FLII: variants seen among roughly 807,000 people sequenced by gnomAD.
FLII encodes the protein protein flightless-1 homolog.
Under a neutral mutation model 156.2 loss-of-function variants are expected in FLII, and 101 were observed. The observed-to-expected ratio is 0.65, with a 90% CI of 0.55 to 0.76. The LOEUF (loss-of-function observed/expected upper bound fraction) is 0.76. Ranked by LOEUF, FLII falls within the 30% of genes least tolerant of loss-of-function variation. The pLI is 0.00. For synonymous variants in FLII, 767 were observed against 685.8 expected, an observed-to-expected ratio of 1.12 and a Z score of -1.85; for missense variants, 1,675 against 1,682.8, an observed-to-expected ratio of 1.00 and a Z score of 0.08.
Position 18,258,396 on chromosome 17 carries a change from T to C in FLII, c.63+232A>G. 2.3e-6 allele frequency: 3 copies of C among 1,290,696 alleles called. No homozygotes were observed. The highest frequency in any genetic ancestry group is 3.2e-6 in the Non-Finnish European group (3 of 952,142). The allele number at this position is 1,290,696 out of a possible 1,614,324, so 80.0% of individuals were successfully genotyped here. ...CTCCCGGCCGGGCCCCCGGCGGGAC[T>C]CCGAGCCCAAGCGTCCGTCCCCGGC... is the stretch of plus-strand genomic sequence containing the variant. On this transcript the variant is annotated intron_variant, in intron 1 of 29. Transcript: ENST00000327031. This position sits in a 1 kb window ranked among gnomAD's most constrained non-coding sequence, Gnocchi z 4.2.
Position 18,256,283 on chromosome 17 carries a change from T to C in FLII, c.246+243A>G, listed in dbSNP as rs2048414874. 2.0e-5 allele frequency among the ~76,000 whole-genome samples: 3 copies of C among 152,404 alleles called. No individual in the cohort carries two copies. The East Asian group carries it at 5.8e-4, about 29-fold the overall frequency. On this transcript the variant is annotated intron_variant, in intron 3 of 29. Transcript: ENST00000327031. ...TACTGTAGTTATTGTCCATAACGGC[T>C]GGTAAGATTTTGGATTTCTTTACCT...
At chr17:18,249,054 G>A (rs746030738) in intron 16 of FLII, 73 bp downstream of exon 16, 63 of 1,446,312 alleles carry the variant, frequency 4.4e-5, no homozygotes, top group Non-Finnish European at 5.9e-5. Context: ...CTTCTAAGAG[G>A]CCCACACCTG....
At chr17:18,249,692 A>G (rs994457072) in intron 14 of FLII, among the ~76,000 whole-genome samples, 4 of 152,066 alleles carry the variant, frequency 2.6e-5, no homozygotes, top group Non-Finnish European at 5.9e-5. Context: ...CGGGAGGCTG[A>G]GGCAGGAGAA....
At chr17:18,247,121 C>CGGGGG in intron 21 of FLII, 48 bp downstream of exon 21, 6 of 1,398,032 alleles carry the variant, frequency 4.3e-6, no homozygotes, top group Non-Finnish European at 5.7e-6. Context: ...CGCCCTCGGC[C>CGGGGG]TGCCCCCCAC....
At chr17:18,251,094 A>G (rs944698138) in intron 13 of FLII, 77 bp from the exon 14 acceptor site, 30 of 1,501,700 alleles carry the variant, frequency 2.0e-5, no homozygotes, top group African/African-American at 2.8e-5. Context: ...TCTGAACAGC[A>G]CAGGCTTCCC....
Position 18,255,167 on chromosome 17 carries a change from G to A in FLII, c.327+16C>T, listed in dbSNP as rs771433351. ...TCCGGCTAGCACAGGGGCCAGGTGAGTGGGTAGCCACTGACCAGGACTGAG... is the reference window on the plus strand; with the variant it reads ...TCCGGCTAGCACAGGGGCCAGGTGAATGGGTAGCCACTGACCAGGACTGAG... On this transcript the variant is annotated intron_variant, in intron 4 of 29. Transcript: ENST00000327031. The A allele has an allele frequency of 3.7e-6, 6 of 1,600,556 alleles. No individual in the cohort carries two copies. Among genetic ancestry groups the A allele is most frequent in the Non-Finnish European group, 5.1e-6 (6 of 1,167,674 alleles).
In FLII at chr17:18,255,242, T is replaced by G; in HGVS notation, c.268A>C (p.Ser90Arg). 1 of 1,614,042 alleles carries G rather than the reference T, an allele frequency of 6.2e-7. No individual in the cohort carries two copies. The highest frequency in any genetic ancestry group is 8.5e-7 in the Non-Finnish European group (1 of 1,179,930). The stretch of plus-strand genomic sequence containing the variant: ...TCGGGGACTCCGGAATTCTTCAGAC[T>G]GTTGGCTCGGGCCACGATGGCCTGG... Reference protein sequence around the residue: ...SLRAIVARANSLKNSGVPDDI... With the variant: ...SLRAIVARANRLKNSGVPDDI... The change falls in exon 4 of 30, where the codon AGT (serine) becomes CGT (arginine). Residue 90 changes from serine (S) to arginine (R), a missense_variant. Physicochemically the swap from Ser to Arg is moderately radical, Grantham distance 110 (BLOSUM62 -1). Transcript: ENST00000327031.
In FLII at chr17:18,251,377, A is replaced by T; in HGVS notation, c.1484T>A (p.Val495Glu). ...GATGGTCAGTCCGGGCAGCTGGCCC[A>T]CGTCCTCCGTGAAGAACTCGGAGTA... The part of the protein sequence containing the change: ...LDYSEFFTED[V>E]GQLPGLTIWQ... The change falls in exon 13 of 30, where the codon GTG (valine) becomes GAG (glutamate). Residue 495 changes from valine (V) to glutamate (E), a missense_variant. Physicochemically the swap from Val to Glu is moderately radical, Grantham distance 121. Around this residue, in one of 2 missense-constraint regions of FLII, gnomAD observed 1,332 missense variants for 1,269.3 expected, o/e 1.05. Coordinates refer to ENST00000327031, the MANE Select transcript of FLII (RefSeq NM_002018.4). The T allele has an allele frequency of 6.2e-7, 1 of 1,613,692 alleles. No homozygotes were observed. The highest frequency in any genetic ancestry group is 1.1e-5 in the South Asian group (1 of 91,086).
In FLII at chr17:18,251,488, A is replaced by G; in HGVS notation, c.1384-11T>C. The G allele has an allele frequency of 6.3e-7, 1 of 1,596,582 alleles. No individual in the cohort carries two copies. Among genetic ancestry groups the G allele is most frequent in the South Asian group, 1.1e-5 (1 of 89,426 alleles). Reference sequence around the variant, plus strand: ...GGCATCTGCGCTCTCCTGGGGGCAGAGTCACAGAGCACGGCTTGACTCTGT... The same window carrying G: ...GGCATCTGCGCTCTCCTGGGGGCAGGGTCACAGAGCACGGCTTGACTCTGT... On this transcript the variant is annotated splice_polypyrimidine_tract_variant and intron_variant, in intron 12 of 29. Coordinates refer to ENST00000327031, the MANE Select transcript of FLII (RefSeq NM_002018.4).
rs1412966853 is a variant in FLII, at chr17:18,258,408, CG to C, written c.63+219del. ...CCCCCGGCGGGACTCCGAGCCCAAG[CG>C]TCCGTCCCCGGCCTGCCCAGCCTCG... On this transcript the variant is annotated intron_variant, in intron 1 of 29. Transcript: ENST00000327031. The surrounding 1 kb of genome is among the most constrained non-coding windows in gnomAD (Gnocchi z 4.2). The C allele has an allele frequency of 2.2e-6, 3 of 1,364,872 alleles. No individual in the cohort carries two copies. Among genetic ancestry groups the C allele is most frequent in the Admixed American group, 2.3e-5 (1 of 43,722 alleles). 84.5% of individuals were successfully genotyped at this position (1,364,872 alleles called of 1,614,324 possible).
Position 18,253,668 on chromosome 17 carries a change from G to A in FLII, c.731C>T (p.Thr244Ile). The change falls in exon 8 of 30, where the codon ACC (threonine) becomes ATC (isoleucine). Residue 244 changes from threonine (T) to isoleucine (I), a missense_variant. Physicochemically the swap from Thr to Ile is moderately conservative, Grantham distance 89 (BLOSUM62 -1). Around this residue, in one of 2 missense-constraint regions of FLII, gnomAD observed 343 missense variants for 413.5 expected, o/e 0.83. Transcript: ENST00000327031. ...DLTRVPECLYTLPSLRRLNLS... is the reference protein window; with the variant it reads ...DLTRVPECLYILPSLRRLNLS... ...GTTGAGGCGGCGCAGGCTGGGGAGG[G>A]TGTACAGACACTCGGGCACCCGTGT... 6.2e-7 allele frequency: 1 copy of A among 1,613,776 alleles called. No individual in the cohort carries two copies.
In FLII at chr17:18,246,941, T is replaced by C. The variant is rs772241945; in HGVS notation, c.2788A>G (p.Thr930Ala). Residue 930 changes from threonine to alanine, a missense_variant, in exon 22 of 30, where the codon ACG becomes GCG. Thr to Ala is a moderately conservative substitution (Grantham distance 58, BLOSUM62 0). This residue lies in a region of FLII where 1,332 missense variants were observed against 1,269.3 expected (regional missense o/e 1.05). Coordinates refer to ENST00000327031, the MANE Select transcript of FLII (RefSeq NM_002018.4). Reference sequence around the variant, plus strand: ...CAGAGGAAGACGTAGCAGTCCTGCGTGTAGAAGTGGCCAAACTCCTCTTCC... The same window carrying C: ...CAGAGGAAGACGTAGCAGTCCTGCGCGTAGAAGTGGCCAAACTCCTCTTCC... ...LPEEEFGHFY[T>A]QDCYVFLCRY... 1.9e-6 allele frequency: 3 copies of C among 1,614,178 alleles called. No homozygotes were observed. Among genetic ancestry groups the C allele is most frequent in the East Asian group, 2.2e-5 (1 of 44,870 alleles).
In FLII at chr17:18,251,161, C is replaced by T. The variant is rs924817099; in HGVS notation, c.1596+104G>A. ...TGGACCACCTCCTGCAGCCTGCCCA[C>T]CTCCCACCTGGCCTCCCTGAACAAA... On this transcript the variant is annotated intron_variant, in intron 13 of 29. Coordinates refer to ENST00000327031, the MANE Select transcript of FLII (RefSeq NM_002018.4). The T allele has an allele frequency of 4.9e-6, 7 of 1,439,386 alleles. No individual in the cohort carries two copies. The African/African-American group carries it at 8.5e-5, about 17-fold the overall frequency. The allele number at this position is 1,439,386 out of a possible 1,614,324, so 89.2% of individuals were successfully genotyped here. A position where few individuals can be genotyped will look rare whatever the true frequency, so the allele number is the denominator to read the frequency against.
chr17:18,254,453 A>T, intron 6 of FLII, 68 bp downstream of exon 6: 1 of 1,471,892 alleles, frequency 6.8e-7, no homozygotes, highest in Non-Finnish European at 9.1e-7. Context: ...GGGCCCTGGG[A>T]AGTGAAGGGG....
chr17:18,255,636 G>C (rs564978760), intron 3 of FLII, among the ~76,000 whole-genome samples: 47 of 152,276 alleles, frequency 3.1e-4, no homozygotes, highest in African/African-American at 1.1e-3. Context: ...TCTGGATGGA[G>C]AGGAAGTCTG....
rs1243368691 is a variant in FLII, at chr17:18,245,632, C to T, written c.3532G>A (p.Val1178Met). ...RCSNEKGYFA[V>M]TEKCSDFCQD... ...CAAAAGTCGGAGCATTTCTCAGTCA[C>T]TGCAAAGTAGCCCTTCTCGTTGGAG... Residue 1178 changes from valine to methionine, a missense_variant, in exon 28 of 30, where the codon GTG (valine) becomes ATG (methionine). Physicochemically the swap from Val to Met is conservative, Grantham distance 21 (BLOSUM62 1). Coordinates refer to ENST00000327031, the MANE Select transcript of FLII (RefSeq NM_002018.4). The T allele has an allele frequency of 1.2e-6, 2 of 1,613,962 alleles. No individual in the cohort carries two copies. The highest frequency in any genetic ancestry group is 1.3e-5 in the African/African-American group (1 of 75,054).
chr17:18,254,513 G>C lies in FLII; in HGVS notation c.575+8C>G, dbSNP rs756721707. ...TTCTGCAGGAGTGCGGTCCGAGGGG[G>C]CGCCCACCGGAGCTGTGCATGCAGC... On this transcript the variant is annotated splice_region_variant and intron_variant, in intron 6 of 29. Transcript: ENST00000327031. The C allele has an allele frequency of 3.1e-5, 50 of 1,603,666 alleles. No homozygotes were observed. Among genetic ancestry groups the C allele is most frequent in the Non-Finnish European group, 4.2e-5 (50 of 1,176,550 alleles).
In FLII at chr17:18,248,611, G is replaced by A. The variant is rs1186229837; in HGVS notation, c.2129C>T (p.Pro710Leu). ...PEFWEALGGE[P>L]SEIKKHVPED... ...AGGCACGTGCTTCTTGATCTCAGAG[G>A]GCTCCCCACCCAGTGCCTCCCAGAA... The change falls in exon 18 of 30, where the codon CCC becomes CTC. Residue 710 changes from proline to leucine, a missense_variant. Coordinates refer to ENST00000327031, the MANE Select transcript of FLII (RefSeq NM_002018.4). 1 of 1,613,588 alleles carries A rather than the reference G, an allele frequency of 6.2e-7. No individual in the cohort carries two copies. The highest frequency in any genetic ancestry group is 8.5e-7 in the Non-Finnish European group (1 of 1,179,940).
intron 7 of FLII, 178 bp from the exon 8 acceptor site, chr17:18,253,897 A>C (rs2048341603): frequency 3.9e-6 from 3 of 775,716 alleles, no homozygotes; most frequent in Admixed American, 2.9e-5. Context: ...GTTGCGGGGG[A>C]GTTTTCTAGG....
Sources: allele counts gnomAD v4.1 joint callset (sites outside exome capture counted in the v4.1 genomes callset), GRCh38; gene constraint gnomAD v4.1.1; regional missense constraint gnomAD v4.1.1; non-coding constraint Gnocchi (gnomAD v3.1); transcripts MANE v1.5; gene names NCBI Gene and HGNC (gene_info 2026-07-23, HGNC 2026-07-21).